YY1AP1: variants seen among roughly 807,000 people sequenced by gnomAD.
The protein encoded by YY1AP1 is YY1 associated protein 1.
In YY1AP1, 43 loss-of-function variants were observed where a neutral mutation model predicts 39.9. The observed-to-expected ratio is 1.08, with a 90% CI of 0.84 to 1.39. The LOEUF (loss-of-function observed/expected upper bound fraction) is 1.39. YY1AP1 is among the 40% of genes most tolerant of loss of function. The pLI is 0.00. For synonymous variants in YY1AP1, 292 were observed against 331.3 expected (o/e 0.88, Z 1.29); for missense variants, 813 against 900.7 (o/e 0.90, Z 1.25).
chr1:155,688,284 C>A (rs1652908961), intron 1 of YY1AP1, 83 bp from the exon 2 acceptor site: 2 of 1,584,306 alleles, frequency 1.3e-6, no homozygotes, highest in African/African-American at 1.3e-5. Flanking sequence ...GCAACCGACA[C>A]TGGGATCGTT....
chr1:155,686,026 C>CTTTTTT (rs768966023), intron 2 of YY1AP1, among the ~76,000 whole-genome samples: 2 of 76,338 alleles, frequency 2.6e-5, no homozygotes, highest in Non-Finnish European at 2.4e-5. Context: ...TGAAATCAGT[C>CTTTTTT]TTTTTTTTTT....
At chr1:155,678,447 A>G (rs1297760327) in intron 4 of YY1AP1, among the ~76,000 whole-genome samples, 1 of 152,172 alleles carries the variant, frequency 6.6e-6, no homozygotes, top group Non-Finnish European at 1.5e-5. Flanking sequence ...GCAAAACCAA[A>G]ATATTTATTA....
upstream of YY1AP1, chr1:155,688,837 A>G: frequency 6.3e-7 from 1 of 1,585,030 alleles, no homozygotes; most frequent in Non-Finnish European, 8.6e-7. Flanking sequence ...TGGCGGCTGC[A>G]GGGGCAGGAG....
At chr1:155,674,158 C>T (rs1415948092) in intron 6 of YY1AP1, among the ~76,000 whole-genome samples, 1 of 70,108 alleles carries the variant, frequency 1.4e-5, no homozygotes, top group Non-Finnish European at 2.4e-5. Context: ...GAGACTCCGT[C>T]TCAAAAAAAA....
rs1225415577 is a variant in YY1AP1, at chr1:155,688,684, C to A, written c.-177G>T. The A allele has an allele frequency of 1.6e-5, 24 of 1,529,606 alleles. No homozygotes were observed. The South Asian group carries it at 2.5e-4, about 16-fold the overall frequency. 94.8% of individuals were successfully genotyped at this position (1,529,606 alleles called of 1,614,324 possible). ...CTTCAGCGGCGCGAGCCCAAGCCTT[C>A]TCCACCTCCTCTTCTCTCCTCCCCC... On this transcript the variant is annotated 5_prime_UTR_variant, in exon 1 of 11. Coordinates refer to ENST00000355499, the MANE Select transcript of YY1AP1 (RefSeq NM_139119.3).
At chr1:155,678,941 T>C (rs1286850523) in intron 4 of YY1AP1, among the ~76,000 whole-genome samples, 1 of 152,220 alleles carries the variant, frequency 6.6e-6, no homozygotes. Context: ...GTGCCAACTT[T>C]AGGCAAAAAG....
At chr1:155,672,973 G>C (rs886822378) in intron 6 of YY1AP1, among the ~76,000 whole-genome samples, 1 of 152,030 alleles carries the variant, frequency 6.6e-6, no homozygotes, top group South Asian at 2.1e-4. Flanking sequence ...TCTAGCTCCC[G>C]AGCTAGAATT....
intron 2 of YY1AP1, among the ~76,000 whole-genome samples, chr1:155,681,437 A>T (rs1165206622): frequency 6.6e-6 from 1 of 152,170 alleles, no homozygotes; most frequent in African/African-American, 2.4e-5. Context: ...CTAAAAAAAA[A>T]TTTATCTGGG....
Position 155,660,546 on chromosome 1 carries a change from T to C in YY1AP1, c.1364A>G (p.Gln455Arg). 6.2e-7 allele frequency: 1 copy of C among 1,614,138 alleles called. No individual in the cohort carries two copies. Among genetic ancestry groups the C allele is most frequent in the Non-Finnish European group, 8.5e-7 (1 of 1,180,024 alleles). ...AACTGTCTGTAAAACAGTGGCTGGC[T>C]GTATTGGGTGAGGAATCCGGAGCAC... ...KMVLRIPHPI[Q>R]PATVLQTVPG... is the part of the protein sequence containing the mutation. The change falls in exon 11 of 11, where the codon CAG becomes CGG. Residue 455 changes from glutamine (Q) to arginine (R), a missense_variant. Gln to Arg is a conservative substitution (Grantham distance 43). Around this residue, in one of 3 missense-constraint regions of YY1AP1, gnomAD observed 586 missense variants for 647.4 expected, o/e 0.91. Transcript: ENST00000355499.
intron 2 of YY1AP1, among the ~76,000 whole-genome samples, chr1:155,683,854 G>A (rs1475968743): frequency 6.6e-6 from 1 of 151,968 alleles, no homozygotes; most frequent in Non-Finnish European, 1.5e-5. Context: ...CAGGTAAAAA[G>A]AGCTGGGCAT....
At chr1:155,668,895 A>C in intron 8 of YY1AP1, 118 bp from the exon 9 acceptor site, 1 of 1,473,950 alleles carries the variant, frequency 6.8e-7, no homozygotes, top group Non-Finnish European at 9.3e-7. Context: ...ACAAGGTCTC[A>C]CTCTGTCACC....
intron 8 of YY1AP1, among the ~76,000 whole-genome samples, chr1:155,669,519 G>A (rs112619241): frequency 2.6e-5 from 4 of 152,196 alleles, no homozygotes; most frequent in South Asian, 2.1e-4. Context: ...AGATCATGAT[G>A]AGCTGTATAT....
chr1:155,685,581 C>T (rs1652097895), intron 2 of YY1AP1, among the ~76,000 whole-genome samples: 1 of 152,184 alleles, frequency 6.6e-6, no homozygotes, highest in Non-Finnish European at 1.5e-5. Context: ...AATACAGAGT[C>T]ATTTACTAAT....
chr1:155,687,040 T>C, intron 2 of YY1AP1, among the ~76,000 whole-genome samples: 1 of 152,056 alleles, frequency 6.6e-6, no homozygotes. Flanking sequence ...ATGCCTAAAT[T>C]TCCTATTTTG....
chr1:155,662,845 CA>C (rs993937380), intron 9 of YY1AP1, among the ~76,000 whole-genome samples: 3 of 148,676 alleles, frequency 2.0e-5, no homozygotes, highest in East Asian at 2.1e-4. Flanking sequence ...TAATAAAGTA[CA>C]AAAAAAAATT....
chr1:155,668,493 A>G (rs1201570352), intron 9 of YY1AP1, 134 bp downstream of exon 9: 32 of 1,370,612 alleles, frequency 2.3e-5, no homozygotes, highest in Middle Eastern at 2.4e-4. Flanking sequence ...GCAACAGGGG[A>G]ATTAATCTAG....
intron 2 of YY1AP1, among the ~76,000 whole-genome samples, chr1:155,687,010 C>T (rs961179779): frequency 1.3e-5 from 2 of 151,884 alleles, no homozygotes; most frequent in African/African-American, 4.8e-5. Context: ...AACATGCGGC[C>T]TTGGAGAAGT....
At chr1:155,670,731 G>A (rs1161474835) in intron 7 of YY1AP1, 6 of 354,280 alleles carry the variant, frequency 1.7e-5, no homozygotes, top group South Asian at 2.5e-5. Context: ...ACTGGAGTGC[G>A]TGGCGCAATC....
Position 155,660,451 on chromosome 1 carries a change from G to A in YY1AP1, c.1459C>T (p.Pro487Ser), listed in dbSNP as rs554520184. Residue 487 changes from proline to serine, a missense_variant, in exon 11 of 11, where the codon CCC (proline) becomes TCC (serine). Physicochemically the swap from Pro to Ser is moderately conservative, Grantham distance 74. This residue lies in a region of YY1AP1 where 586 missense variants were observed against 647.4 expected (regional missense o/e 0.91). Transcript: ENST00000355499. ...GGGAAGCTTGTCCTGGCCTCAGGGG[G>A]CATAGCAGGCAGTGCTGCAGGAGAC... is the stretch of plus-strand genomic sequence containing the variant. ...FESPAALPAM[P>S]PEARTSFPLS... 7 of 1,614,164 alleles carry A rather than the reference G, an allele frequency of 4.3e-6. No homozygotes were observed. The East Asian group carries it at 1.1e-4, about 26-fold the overall frequency.
Sources: gnomAD v4.1 joint callset for allele counts (sites outside exome capture counted in the v4.1 genomes callset) on GRCh38, gnomAD v4.1.1 for gene constraint, gnomAD v4.1.1 regional missense constraint, MANE v1.5 for transcripts, NCBI Gene and HGNC (gene_info 2026-07-23, HGNC 2026-07-21) for gene names.